Variants in PBRM1 observed in about 807,000 individuals in gnomAD.
PBRM1 encodes protein polybromo-1.
In PBRM1, 27 loss-of-function variants were observed where a neutral mutation model predicts 194.5. That is an observed-to-expected ratio of 0.14 (90% CI 0.10 to 0.19). PBRM1 has a LOEUF of 0.19. Among genes scored for constraint, PBRM1 ranks in the 10% least tolerant of loss-of-function variants. PBRM1 has a pLI of 1.00. For missense variants in PBRM1, 1,466 were observed against 2,077.2 expected (o/e 0.71, Z 5.72); for synonymous variants, 655 against 693.2 (o/e 0.94, Z 0.87).
intron 17 of PBRM1, among the ~76,000 whole-genome samples, chr3:52,592,434 C>T (rs1260115312): frequency 6.6e-6 from 1 of 152,112 alleles, no homozygotes; most frequent in Non-Finnish European, 1.5e-5. Context: ...ACCTGGCTGT[C>T]TTTAGTTCTT....
At chr3:52,625,054 C>A in intron 13 of PBRM1, 113 bp from the exon 15 acceptor site, 1 of 741,688 alleles carries the variant, frequency 1.3e-6, no homozygotes, top group Non-Finnish European at 2.4e-6. Flanking sequence ...TCCAAAGTAC[C>A]AAAGACAATA....
intron 12 of PBRM1, among the ~76,000 whole-genome samples, chr3:52,628,428 A>C (rs960232229): frequency 8.1e-5 from 12 of 147,956 alleles, no homozygotes; most frequent in East Asian, 2.0e-4. Flanking sequence ...ATTATAATAC[A>C]TAAGTATAAT....
chr3:52,661,764 C>T (rs1415842996), intron 4 of PBRM1, among the ~76,000 whole-genome samples: 1 of 152,222 alleles, frequency 6.6e-6, no homozygotes. Flanking sequence ...CAGAAATATT[C>T]CTCACTAAGG....
intron 4 of PBRM1, among the ~76,000 whole-genome samples, chr3:52,660,053 T>G (rs2096686569): frequency 6.6e-6 from 1 of 152,226 alleles, no homozygotes. Context: ...ATCGTGCCAT[T>G]GCACTCCAGC....
chr3:52,611,270 A>G (rs1325156388), intron 15 of PBRM1, among the ~76,000 whole-genome samples: 1 of 152,246 alleles, frequency 6.6e-6, no homozygotes, highest in Non-Finnish European at 1.5e-5. Context: ...ATAAAATTAA[A>G]AACTATCACA....
intron 15 of PBRM1, among the ~76,000 whole-genome samples, chr3:52,614,929 G>C (rs2094876483): frequency 6.6e-6 from 1 of 152,064 alleles, no homozygotes; most frequent in South Asian, 2.1e-4. Flanking sequence ...TGATAGCTGA[G>C]TATAGTACAG....
intron 22 of PBRM1, among the ~76,000 whole-genome samples, chr3:52,574,864 T>C (rs958940686): frequency 6.6e-6 from 1 of 152,202 alleles, no homozygotes; most frequent in African/African-American, 2.4e-5. Context: ...ACTAAGCTTA[T>C]AGAACAGAGA....
rs777360600 is a variant in PBRM1, at chr3:52,634,833, G to T, written c.1088-18C>A. The T allele has an allele frequency of 6.3e-7, 1 of 1,578,810 alleles. No individual in the cohort carries two copies. The highest frequency in any genetic ancestry group is 8.7e-7 in the Non-Finnish European group (1 of 1,150,724). On this transcript the variant is annotated intron_variant, in intron 10 of 29. Coordinates refer to ENST00000296302, the Ensembl canonical transcript of PBRM1. ...GCGTGCAGCTGGAAAGACAAAAAAAGTATTTATAAAGGGACGAATGAGATG... is the reference window on the plus strand; with the variant it reads ...GCGTGCAGCTGGAAAGACAAAAAAATTATTTATAAAGGGACGAATGAGATG...
chr3:52,594,016 G>A (rs185634286), intron 17 of PBRM1, among the ~76,000 whole-genome samples: 5 of 152,260 alleles, frequency 3.3e-5, no homozygotes, highest in East Asian at 1.9e-4. Context: ...GTCTAGTACC[G>A]TCAGTTGGGT....
chr3:52,608,513 T>C (rs1039150298), intron 16 of PBRM1, among the ~76,000 whole-genome samples: 1 of 152,198 alleles, frequency 6.6e-6, no homozygotes, highest in African/African-American at 2.4e-5. Flanking sequence ...ACTACTTGCT[T>C]TTCTTTAAAG....
chr3:52,626,597 A>G (rs2095456339), intron 13 of PBRM1, among the ~76,000 whole-genome samples: 1 of 152,216 alleles, frequency 6.6e-6, no homozygotes, highest in Non-Finnish European at 1.5e-5. Context: ...ATCAGGCGAG[A>G]GAAACTTTGT....
At chr3:52,638,986 T>G (rs35415671) in intron 10 of PBRM1, among the ~76,000 whole-genome samples, 21,382 of 57,376 alleles carry the variant, frequency 0.37, 2,756 homozygotes, top group Middle Eastern at 0.47. Context: ...CATTTTTTTT[T>G]GGGGGGGGGG....
chr3:52,640,000 TC>T (rs2096008735), intron 10 of PBRM1, among the ~76,000 whole-genome samples: 1 of 152,208 alleles, frequency 6.6e-6, no homozygotes, highest in South Asian at 2.1e-4. Flanking sequence ...GAAGAGGGCT[TC>T]CAGACTAAGG....
chr3:52,550,723 A>C lies in PBRM1; in HGVS notation c.4680+24T>G, dbSNP rs370800161. The C allele has an allele frequency of 4.4e-6, 7 of 1,602,312 alleles. No individual in the cohort carries two copies. The African/African-American group carries it at 9.4e-5, about 21-fold the overall frequency. On this transcript the variant is annotated intron_variant, in intron 28 of 29. Coordinates refer to ENST00000296302, the Ensembl canonical transcript of PBRM1. The stretch of plus-strand genomic sequence containing the variant: ...GATAACTCGAATTCTGTCAAGTCCT[A>C]GAAAATCAAACTGGGAGGCTCACCT...
chr3:52,679,841 G>A (rs2097172860), upstream of PBRM1: 4 of 632,598 alleles, frequency 6.3e-6, no homozygotes, highest in East Asian at 3.2e-5. Context: ...TTAACGTGTT[G>A]TAGTTTAACT....
chr3:52,655,444 A>G (rs553336669), intron 5 of PBRM1, among the ~76,000 whole-genome samples: 1 of 152,294 alleles, frequency 6.6e-6, no homozygotes, highest in East Asian at 1.9e-4. Context: ...CACTGTATGT[A>G]TATGTCACAT....
chr3:52,546,270 T>C (rs2079663917), downstream of PBRM1: 1 of 232,952 alleles, frequency 4.3e-6, no homozygotes, highest in Non-Finnish European at 8.5e-6. Flanking sequence ...AGAAACAAAA[T>C]AATCTGATTG....
chr3:52,595,477 C>T (rs1260199182), intron 17 of PBRM1, among the ~76,000 whole-genome samples: 1 of 152,160 alleles, frequency 6.6e-6, no homozygotes, highest in Admixed American at 6.5e-5. Context: ...TTGTATGTCT[C>T]CTTTTGGGAA....
chr3:52,598,453 C>CT (rs1401186718), intron 17 of PBRM1, among the ~76,000 whole-genome samples: 4 of 152,194 alleles, frequency 2.6e-5, no homozygotes, highest in African/African-American at 9.6e-5. Context: ...AATATCTGTC[C>CT]TTTTCAGTTT....
Sources: allele counts gnomAD v4.1 joint callset (sites outside exome capture counted in the v4.1 genomes callset), GRCh38; gene constraint gnomAD v4.1.1; transcripts MANE v1.5; gene names NCBI Gene and HGNC (gene_info 2026-07-23, HGNC 2026-07-21).